Variants in SLC67A2 observed in about 807,000 individuals in gnomAD.
The protein encoded by SLC67A2 is solute carrier family 67 member A2.
At chr2:102,736,428 G>A in the SLC67A2 span, 99 of 1,303,110 alleles carry the variant, frequency 7.6e-5, no homozygotes, top group Non-Finnish European at 9.0e-5. Context: ...CGCGAACGGG[G>A]TGCAAGAGAA....
the SLC67A2 span, among the ~76,000 whole-genome samples, chr2:102,733,054 TATG>T: frequency 2.0e-4 from 30 of 152,170 alleles, no homozygotes; most frequent in African/African-American, 5.6e-4. Context: ...CTGGTAGAAA[TATG>T]ATGAGCATTA....
chr2:102,731,642 G>A, the SLC67A2 span, among the ~76,000 whole-genome samples: 3 of 152,134 alleles, frequency 2.0e-5, no homozygotes, highest in East Asian at 1.9e-4. Flanking sequence ...TACATTTGTC[G>A]AGGGAAATAC....
chr2:102,730,730 T>G, the SLC67A2 span, among the ~76,000 whole-genome samples: 1 of 152,006 alleles, frequency 6.6e-6, no homozygotes, highest in South Asian at 2.1e-4. Flanking sequence ...TCTTTTTTTT[T>G]AGTAGAGACG....
chr2:102,723,634 A>T, the SLC67A2 span: 1 of 1,465,744 alleles, frequency 6.8e-7, no homozygotes, highest in East Asian at 2.3e-5. Flanking sequence ...CAAAGAAATA[A>T]GAGAAAAGTA....
the SLC67A2 span, chr2:102,726,988 GA>G: frequency 3.1e-6 from 5 of 1,610,354 alleles, no homozygotes; most frequent in Non-Finnish European, 3.4e-6. Flanking sequence ...AGGAAAGTAA[GA>G]AAAAGCCCTT....
the SLC67A2 span, among the ~76,000 whole-genome samples, chr2:102,722,986 TA>T: frequency 6.6e-6 from 1 of 152,112 alleles, no homozygotes; most frequent in Non-Finnish European, 1.5e-5. Flanking sequence ...ACACCAAGTT[TA>T]AAAATGGGCA....
At chr2:102,718,677 T>A in the SLC67A2 span, 2 of 1,613,994 alleles carry the variant, frequency 1.2e-6, no homozygotes, top group East Asian at 2.2e-5. Flanking sequence ...GTCCTGCCAA[T>A]GGCAGTGGAG....
At chr2:102,728,187 G>T in the SLC67A2 span, among the ~76,000 whole-genome samples, 1 of 152,254 alleles carries the variant, frequency 6.6e-6, no homozygotes, top group Non-Finnish European at 1.5e-5. Flanking sequence ...ACTATCAATG[G>T]AGCACTGTGT....
the SLC67A2 span, chr2:102,717,817 C>T: frequency 1.3e-5 from 2 of 152,542 alleles, no homozygotes; most frequent in East Asian, 1.9e-4. Context: ...ATTTCTTGGC[C>T]CCACCCAGGC....
the SLC67A2 span, among the ~76,000 whole-genome samples, chr2:102,730,090 CA>C: frequency 9.9e-4 from 150 of 152,282 alleles, no homozygotes; most frequent in Non-Finnish European, 1.6e-3. Flanking sequence ...GTCTCCAGAC[CA>C]GAGTGATCAC....
chr2:102,718,354 T>C, the SLC67A2 span: 2 of 1,573,788 alleles, frequency 1.3e-6, no homozygotes, highest in African/African-American at 1.4e-5. Flanking sequence ...AGTGCCCTTT[T>C]CATCATGGCC....
the SLC67A2 span, chr2:102,723,960 T>A: frequency 9.1e-6 from 13 of 1,424,248 alleles, no homozygotes; most frequent in Non-Finnish European, 1.2e-5. Context: ...ACCATAAGTA[T>A]CTTACTTATG....
chr2:102,734,224 T>A, the SLC67A2 span, among the ~76,000 whole-genome samples: 6 of 152,184 alleles, frequency 3.9e-5, no homozygotes, highest in African/African-American at 1.4e-4. Flanking sequence ...CCCCAGTAAT[T>A]ATTGATTACT....
At chr2:102,733,482 C>T in the SLC67A2 span, among the ~76,000 whole-genome samples, 218 of 152,258 alleles carry the variant, frequency 1.4e-3, no homozygotes, top group African/African-American at 5.1e-3. Context: ...TCCATGGTTA[C>T]ATCTTTAGAT....
At chr2:102,729,031 A>T in the SLC67A2 span, among the ~76,000 whole-genome samples, 1 of 152,222 alleles carries the variant, frequency 6.6e-6, no homozygotes, top group African/African-American at 2.4e-5. Flanking sequence ...CTGACAGAAT[A>T]TACTTTTTCT....
the SLC67A2 span, among the ~76,000 whole-genome samples, chr2:102,720,061 G>A: frequency 6.6e-6 from 1 of 152,148 alleles, no homozygotes; most frequent in Non-Finnish European, 1.5e-5. Context: ...GCCCAAAAGT[G>A]TTCTTAAAAC....
chr2:102,736,733 C>G, the SLC67A2 span: 1 of 1,613,924 alleles, frequency 6.2e-7, no homozygotes, highest in Non-Finnish European at 8.5e-7. Context: ...TTCCTGTCTT[C>G]TGCTCCTGTT....
At chr2:102,718,454 C>T in the SLC67A2 span, 3 of 1,614,216 alleles carry the variant, frequency 1.9e-6, no homozygotes, top group Non-Finnish European at 2.5e-6. Flanking sequence ...CCCATCACCA[C>T]TAGAGTGTCG....
chr2:102,723,860 C>T, the SLC67A2 span: 21 of 1,614,104 alleles, frequency 1.3e-5, no homozygotes, highest in Non-Finnish European at 1.8e-5. Flanking sequence ...TCTCTGGAAC[C>T]ACATCAGAAA....
Sources: allele counts gnomAD v4.1 joint callset (sites outside exome capture counted in the v4.1 genomes callset), GRCh38; gene constraint gnomAD v4.1.1; transcripts MANE v1.5; gene names NCBI Gene and HGNC (gene_info 2026-07-23, HGNC 2026-07-21).